Variants in A2M observed in about 807,000 individuals in gnomAD.
A2M encodes alpha-2-macroglobulin, also known as C3 and PZP-like alpha-2-macroglobulin domain-containing protein 5.
In A2M, 128 loss-of-function variants were observed where a neutral mutation model predicts 183.9. That is an observed-to-expected ratio of 0.70 (90% CI 0.60 to 0.81). The LOEUF (loss-of-function observed/expected upper bound fraction) is 0.81. A2M is among the 30% of genes least tolerant of loss of function. The pLI is 0.00. For synonymous variants in A2M, 592 were observed against 670.8 expected, an observed-to-expected ratio of 0.88 and a Z score of 1.81; for missense variants, 1,495 against 1,787.6, an observed-to-expected ratio of 0.84 and a Z score of 2.95.
In A2M at chr12:9,097,822, G is replaced by A. The variant is rs139627095; in HGVS notation, c.1851+785C>T. Among the ~76,000 whole-genome samples, 456 of 152,158 alleles carry A rather than the reference G, an allele frequency of 3.0e-3. 2 individuals carry two copies. The highest frequency in any genetic ancestry group is 0.01 in the African/African-American group (423 of 41,514). ...TAATTTTTGTATTTTTAGTAGATACGGGGTTTCATTATATTGGCCAGACTG... is the reference window on the plus strand; with the variant it reads ...TAATTTTTGTATTTTTAGTAGATACAGGGTTTCATTATATTGGCCAGACTG... On this transcript the variant is annotated intron_variant, in intron 15 of 35. Transcript: ENST00000318602.
At chr12:9,116,134 C>T (rs1015508247), upstream of A2M, 26 of 396,554 alleles carry the variant, frequency 6.6e-5, no homozygotes, top group African/African-American at 2.9e-4. Context: ...TCACTTTTAC[C>T]GTACAGCAGC....
intron 25 of A2M, among the ~76,000 whole-genome samples, chr12:9,078,757 G>GCT (rs1362125811): frequency 6.6e-6 from 1 of 152,168 alleles, no homozygotes. Flanking sequence ...CTCACATGCA[G>GCT]CTCTTACATG....
In A2M at chr12:9,106,262, G is replaced by C; in HGVS notation, c.1078C>G (p.Arg360Gly). Residue 360 changes from arginine (R) to glycine (G), a missense_variant, in exon 10 of 36, where the codon CGA (arginine) becomes GGA (glycine). Arg to Gly is a moderately radical substitution (Grantham distance 125). Transcript: ENST00000318602. ...LSFVKVDSHF[R>G]QGIPFFGQVR... is the part of the protein sequence containing the mutation. ...TGCCCAAAGAAGGGAATTCCCTGTC[G>C]AAAGTGTGAGTCCACTTTCACAAAT... The C allele has an allele frequency of 2.5e-6, 4 of 1,612,386 alleles. No homozygotes were observed. In the African/African-American group the frequency reaches 5.3e-5, roughly 22 times the overall value.
At chr12:9,068,458 CTACT>C (rs1271075282) in intron 34 of A2M, among the ~76,000 whole-genome samples, 1 of 152,090 alleles carries the variant, frequency 6.6e-6, no homozygotes, top group Non-Finnish European at 1.5e-5. Flanking sequence ...TTCAGATGTT[CTACT>C]TACTTAAATC....
chr12:9,104,456 C>T (rs1938131036), intron 10 of A2M, 56 bp from the exon 11 acceptor site: 17 of 1,509,926 alleles, frequency 1.1e-5, no homozygotes, highest in Non-Finnish European at 1.4e-5. Context: ...AGGCACCAAA[C>T]ATATTCATTT....
At chr12:9,107,454 A>G (rs1938381155) in intron 8 of A2M, 70 bp downstream of exon 8, 3 of 1,569,146 alleles carry the variant, frequency 1.9e-6, no homozygotes, top group Non-Finnish European at 2.6e-6. Flanking sequence ...CGTCAGAAAA[A>G]TGCTGCAACT....
intron 28 of A2M, among the ~76,000 whole-genome samples, chr12:9,075,265 G>A (rs1011689863): frequency 6.6e-5 from 10 of 152,238 alleles, no homozygotes; most frequent in Middle Eastern, 3.4e-3. Context: ...GAAACAATGG[G>A]AACCAATATA....
chr12:9,099,622 A>G (rs1309922368), intron 13 of A2M, 99 bp from the exon 14 acceptor site: 43 of 1,377,102 alleles, frequency 3.1e-5, no homozygotes, highest in Middle Eastern at 1.9e-4. Flanking sequence ...TAACAAATGG[A>G]TGATTACCTC....
chr12:9,084,887 T>C (rs911059151), intron 22 of A2M, among the ~76,000 whole-genome samples: 6 of 152,074 alleles, frequency 3.9e-5, no homozygotes, highest in South Asian at 4.1e-4. Flanking sequence ...GCTATACTTA[T>C]ATTCAACAAA....
chr12:9,071,035 G>C (rs1948559808), intron 31 of A2M, among the ~76,000 whole-genome samples: 1 of 151,928 alleles, frequency 6.6e-6, no homozygotes, highest in Non-Finnish European at 1.5e-5. Context: ...GGTCAGGCTG[G>C]TCTTGAACTC....
chr12:9,101,700 T>C, intron 11 of A2M, 26 bp from the exon 12 acceptor site: 1 of 1,516,216 alleles, frequency 6.6e-7, no homozygotes, highest in Non-Finnish European at 9.0e-7. Flanking sequence ...AATTATATTA[T>C]TTTTAGATTA....
At position 9,095,631 on chromosome 12, in the gene A2M, C is replaced by T. The variant is rs1213125773; in HGVS notation, c.1921G>A (p.Asp641Asn). ...PGPLNDQDNE[D>N]CINRHNVYIN... ...TAGACATTATGACGATTGATGCAGT[C>T]TTCATTGTCCTGGTCATTCAAAGGC... The change falls in exon 16 of 36, where the codon GAC (aspartate) becomes AAC (asparagine). Residue 641 changes from aspartate (D) to asparagine (N), a missense_variant. By Grantham distance (23) the Asp-to-Asn change is conservative. Coordinates refer to ENST00000318602, the MANE Select transcript of A2M (RefSeq NM_000014.6). 1.9e-6 allele frequency: 3 copies of T among 1,610,320 alleles called. No homozygotes were observed. The highest frequency in any genetic ancestry group is 2.2e-5 in the East Asian group (1 of 44,818).
chr12:9,090,553 A>G lies in A2M; in HGVS notation c.2470-71T>C, dbSNP rs1369830538. On this transcript the variant is annotated intron_variant, in intron 19 of 35. Transcript: ENST00000318602. The stretch of plus-strand genomic sequence containing the variant: ...AGGGAGAATGGGTTTGAAGTAAAGC[A>G]TCTTGAGGAATTGGTTAGATTTCAG... 8.5e-6 allele frequency: 13 copies of G among 1,522,032 alleles called. No individual in the cohort carries two copies. The East Asian group carries it at 3.0e-4, about 35-fold the overall frequency. 94.3% of individuals were successfully genotyped at this position (1,522,032 alleles called of 1,614,324 possible).
chr12:9,098,927 A>G (rs886688644), intron 14 of A2M, among the ~76,000 whole-genome samples, 171 bp from the exon 15 acceptor site: 3 of 152,150 alleles, frequency 2.0e-5, no homozygotes, highest in African/African-American at 4.8e-5. Flanking sequence ...CTTCTCTTTC[A>G]TTCTCAAGAA....
At chr12:9,102,939 G>C (rs1282524695) in intron 11 of A2M, among the ~76,000 whole-genome samples, 1 of 151,972 alleles carries the variant, frequency 6.6e-6, no homozygotes, top group Non-Finnish European at 1.5e-5. Context: ...AAAGAGGCAG[G>C]CGTTTTCCAT....
At chr12:9,068,268 A>G in intron 34 of A2M, 44 bp from the exon 35 acceptor site, 1 of 1,588,458 alleles carries the variant, frequency 6.3e-7, no homozygotes, top group Non-Finnish European at 8.5e-7. Flanking sequence ...TCATTACATG[A>G]AGTGAGAAAG....
At position 9,090,412 on chromosome 12, in the gene A2M, C is replaced by G. The variant is rs757434841; in HGVS notation, c.2540G>C (p.Cys847Ser). The G allele has an allele frequency of 6.2e-7, 1 of 1,613,868 alleles. No individual in the cohort carries two copies. Reference sequence around the variant, plus strand: ...AGTTTGCCGCCCGTTTGCACAGATGCAGTGAGGCGCTTGTTCCTTCTCCAC... The same window carrying G: ...AGTTTGCCGCCCGTTTGCACAGATGGAGTGAGGCGCTTGTTCCTTCTCCAC... ...VPVEKEQAPH[C>S]ICANGRQTVS... Residue 847 changes from cysteine to serine, a missense_variant, in exon 20 of 36, where the codon TGC becomes TCC. Coordinates refer to ENST00000318602, the MANE Select transcript of A2M (RefSeq NM_000014.6).
chr12:9,068,324 G>A (rs1948457494), intron 34 of A2M, 100 bp from the exon 35 acceptor site: 1 of 1,208,864 alleles, frequency 8.3e-7, no homozygotes, highest in Non-Finnish European at 1.2e-6. Context: ...AGTTTGTTGT[G>A]GGAAGAACAG....
chr12:9,110,611 T>C (rs1449599036), intron 4 of A2M, among the ~76,000 whole-genome samples: 1 of 151,654 alleles, frequency 6.6e-6, no homozygotes, highest in Non-Finnish European at 1.5e-5. Context: ...ATAATGATAA[T>C]GATTATCATC....
Sources: gnomAD v4.1 joint callset for allele counts (sites outside exome capture counted in the v4.1 genomes callset) on GRCh38, gnomAD v4.1.1 for gene constraint, MANE v1.5 for transcripts, NCBI Gene and HGNC (gene_info 2026-07-23, HGNC 2026-07-21) for gene names.